Variants in ZNF138 observed in about 807,000 individuals in gnomAD.
ZNF138 encodes the protein zinc finger protein 138.
In ZNF138, 33 loss-of-function variants were observed where a neutral mutation model predicts 33.0. The observed-to-expected ratio is 1.00, with a 90% CI of 0.76 to 1.34. The LOEUF (loss-of-function observed/expected upper bound fraction) is 1.34, where lower values mean the gene tolerates loss of function less well. Among genes scored for constraint, ZNF138 ranks in the 40% most tolerant of loss-of-function variants. The pLI, the probability that ZNF138 is intolerant of heterozygous loss-of-function variation, is 0.00. For synonymous variants in ZNF138, 139 were observed against 120.4 expected (o/e 1.15, Z -1.01); for missense variants, 360 against 370.8 (o/e 0.97, Z 0.24).
intron 1 of ZNF138, among the ~76,000 whole-genome samples, chr7:64,794,971 C>CA (rs202025322): frequency 0.014 from 2,072 of 152,072 alleles, 52 homozygotes; most frequent in African/African-American, 0.046. Context: ...AAAGTCACCG[C>CA]AAAAAAATTA....
At position 64,814,995 on chromosome 7, in the gene ZNF138, T is replaced by C; in HGVS notation, c.81T>C (p.Asn27=). ...EWQCLDTAQR[N]VYRHVMLENY... ...AGTGCCTGGACACTGCACAGCGGAA[T>C]GTATATAGGCATGTGATGTTAGAGA... The change falls in exon 2 of 4, where the codon AAT becomes AAC. Residue 27 remains asparagine (N), a synonymous_variant. Coordinates refer to ENST00000307355, the MANE Select transcript of ZNF138 (RefSeq NM_001271639.2). 1.9e-6 allele frequency: 3 copies of C among 1,613,368 alleles called. No individual in the cohort carries two copies. The highest frequency in any genetic ancestry group is 1.7e-5 in the Admixed American group (1 of 59,964).
At chr7:64,858,630 G>A in the ZNF138 span, among the ~76,000 whole-genome samples, 1 of 152,100 alleles carries the variant, frequency 6.6e-6, no homozygotes, top group African/African-American at 2.4e-5. Flanking sequence ...GACCCATTAT[G>A]TTTGGCCAAA....
intron 1 of ZNF138, 75 bp from the exon 2 acceptor site, chr7:64,814,843 T>A: frequency 6.3e-7 from 1 of 1,581,390 alleles, no homozygotes; most frequent in Non-Finnish European, 8.6e-7. Context: ...TTATTTTACC[T>A]TGAGTCAAAT....
At chr7:64,841,445 G>T in the ZNF138 span, among the ~76,000 whole-genome samples, 1 of 152,150 alleles carries the variant, frequency 6.6e-6, no homozygotes, top group Admixed American at 6.5e-5. Flanking sequence ...TTGCTGTGTA[G>T]CAGATGCTCC....
intron 1 of ZNF138, among the ~76,000 whole-genome samples, chr7:64,799,798 C>A (rs1043399331): frequency 6.6e-6 from 1 of 152,122 alleles, no homozygotes; most frequent in East Asian, 1.9e-4. Context: ...CCTGTGCCAC[C>A]ACGCCTGGCT....
chr7:64,842,992 T>C, the ZNF138 span, among the ~76,000 whole-genome samples: 5 of 152,236 alleles, frequency 3.3e-5, no homozygotes, highest in Non-Finnish European at 5.9e-5. Context: ...TTCTCCTAAA[T>C]AACTTGTGTC....
rs1359974467 is a variant in ZNF138, at chr7:64,831,592, G to A, written c.350G>A (p.Cys117Tyr). 1.2e-6 allele frequency: 2 copies of A among 1,613,426 alleles called. No individual in the cohort carries two copies. Among genetic ancestry groups the A allele is most frequent in the Non-Finnish European group, 8.5e-7 (1 of 1,179,794 alleles). Residue 117 changes from cysteine to tyrosine, a missense_variant, in exon 4 of 4, where the codon TGT (cysteine) becomes TAT (tyrosine). By Grantham distance (194) the Cys-to-Tyr change is radical. Transcript: ENST00000307355. ...LRKGCKSVDE[C>Y]KGHQGGFNGL... ...AAAGGCTGTAAAAGTGTGGATGAGT[G>A]TAAGGGACACCAAGGAGGTTTTAAT... is the stretch of plus-strand genomic sequence containing the variant.
the ZNF138 span, chr7:64,852,842 C>T: frequency 1.2e-6 from 1 of 851,200 alleles, no homozygotes; most frequent in African/African-American, 1.7e-5. Flanking sequence ...AGTGACTCTT[C>T]CCAGGACAAT....
At chr7:64,837,305 A>G (rs1790396193), downstream of ZNF138, among the ~76,000 whole-genome samples, 2 of 151,714 alleles carry the variant, frequency 1.3e-5, no homozygotes. Flanking sequence ...GGGGGGAGAG[A>G]CCTCTTGCCT....
At chr7:64,802,781 C>T (rs541027617) in intron 1 of ZNF138, among the ~76,000 whole-genome samples, 2 of 152,270 alleles carry the variant, frequency 1.3e-5, no homozygotes, top group Admixed American at 1.3e-4. Context: ...TAGTGAGCCG[C>T]AAGATCTTTA....
At chr7:64,838,247 G>A (rs896067388), downstream of ZNF138, among the ~76,000 whole-genome samples, 23 of 152,214 alleles carry the variant, frequency 1.5e-4, no homozygotes, top group African/African-American at 4.3e-4. Context: ...CGGCCGCTCC[G>A]AGGCCGGGGC....
chr7:64,801,033 T>C (rs1269416709), intron 1 of ZNF138, among the ~76,000 whole-genome samples: 2 of 152,132 alleles, frequency 1.3e-5, no homozygotes, highest in African/African-American at 4.8e-5. Flanking sequence ...TAATGTCCCT[T>C]TTGTCATTTC....
In ZNF138 at chr7:64,832,888, A is replaced by G. The variant is rs986896554; in HGVS notation, c.*686A>G. The stretch of plus-strand genomic sequence containing the variant: ...AACCAGTTCTCACAACTTGCTATAC[A>G]TAAGATGATTCACACTTGAATGAAA... On this transcript the variant is annotated 3_prime_UTR_variant, in exon 4 of 4. Coordinates refer to ENST00000307355, the MANE Select transcript of ZNF138 (RefSeq NM_001271639.2). The G allele has an allele frequency of 5.1e-6, 2 of 394,250 alleles. No individual in the cohort carries two copies. Among genetic ancestry groups the G allele is most frequent in the Non-Finnish European group, 1.0e-5 (2 of 195,290 alleles). 24.4% of individuals were successfully genotyped at this position (394,250 alleles called of 1,614,324 possible).
Position 64,805,355 on chromosome 7 carries a change from C to T in ZNF138, c.4-9563C>T, listed in dbSNP as rs904591952. 9.9e-5 allele frequency among the ~76,000 whole-genome samples: 15 copies of T among 151,488 alleles called. No homozygotes were observed. The East Asian group carries it at 1.8e-3, about 18-fold the overall frequency. ...TGGAGGTTGCAGTGAGCTGAGATTGCGCCACTGCACTCCAGCCTGGGCGAC... is the reference window on the plus strand; with the variant it reads ...TGGAGGTTGCAGTGAGCTGAGATTGTGCCACTGCACTCCAGCCTGGGCGAC... On this transcript the variant is annotated intron_variant, in intron 1 of 3. Transcript: ENST00000307355.
Position 64,831,662 on chromosome 7 carries a change from A to T in ZNF138, c.420A>T (p.Gln140His). The T allele has an allele frequency of 6.2e-7, 1 of 1,608,652 alleles. No individual in the cohort carries two copies. Among genetic ancestry groups the T allele is most frequent in the Non-Finnish European group, 8.5e-7 (1 of 1,177,964 alleles). The change falls in exon 4 of 4, where the codon CAA becomes CAT. Residue 140 changes from glutamine to histidine, a missense_variant. By Grantham distance (24) the Gln-to-His change is conservative (BLOSUM62 0). Coordinates refer to ENST00000307355, the MANE Select transcript of ZNF138 (RefSeq NM_001271639.2). ...AAATTACCACAAGCAAAATATTTCA[A>T]TGTAATAAATATGTAAAAGTCATGC... ...CLKITTSKIFQCNKYVKVMHK... is the reference protein window; with the variant it reads ...CLKITTSKIFHCNKYVKVMHK...
chr7:64,851,997 TA>T, the ZNF138 span, among the ~76,000 whole-genome samples: 1 of 152,182 alleles, frequency 6.6e-6, no homozygotes, highest in African/African-American at 2.4e-5. Context: ...TCAAGACTCT[TA>T]AAAAATCAGA....
rs11983033 is a variant in ZNF138, at chr7:64,794,523, T to G, written c.-46T>G. 1 of 1,611,928 alleles carries G rather than the reference T, an allele frequency of 6.2e-7. No homozygotes were observed. The highest frequency in any genetic ancestry group is 8.5e-7 in the Non-Finnish European group (1 of 1,178,694). ...CTCTGTGGCGCTGTGATCTGGTTAT[T>G]GGGAGATTCACAGCTAAGACGCCAG... On this transcript the variant is annotated 5_prime_UTR_variant, in exon 1 of 4. It adds an upstream start codon to the 5' untranslated region. Coordinates refer to ENST00000307355, the MANE Select transcript of ZNF138 (RefSeq NM_001271639.2).
At chr7:64,825,362 C>T (rs1199740199) in intron 3 of ZNF138, among the ~76,000 whole-genome samples, 6 of 150,750 alleles carry the variant, frequency 4.0e-5, no homozygotes, top group South Asian at 2.1e-4. Context: ...TTAGTAGAGA[C>T]GGAGTCTCAC....
chr7:64,844,108 C>A, the ZNF138 span, among the ~76,000 whole-genome samples: 2 of 152,338 alleles, frequency 1.3e-5, no homozygotes, highest in South Asian at 4.1e-4. Flanking sequence ...CAGGCCTGAG[C>A]CACTGCGCTG....
Sources: gnomAD v4.1 joint callset for allele counts (sites outside exome capture counted in the v4.1 genomes callset) on GRCh38, gnomAD v4.1.1 for gene constraint, MANE v1.5 for transcripts, NCBI Gene and HGNC (gene_info 2026-07-23, HGNC 2026-07-21) for gene names.